OPCML: variants seen among roughly 807,000 people sequenced by gnomAD.
The protein encoded by OPCML is opioid binding protein/cell adhesion molecule like, also known as opioid-binding protein/cell adhesion molecule.
Under a neutral mutation model 37.8 loss-of-function variants are expected in OPCML, and 13 were observed. The observed-to-expected ratio is 0.34, with a 90% confidence interval of 0.22 to 0.55. The LOEUF (loss-of-function observed/expected upper bound fraction) is 0.55. OPCML is among the 20% of genes least tolerant of loss of function. OPCML has a pLI of 0.91. For synonymous variants in OPCML, 176 were observed against 168.8 expected (o/e 1.04, Z -0.33); for missense variants, 341 against 435.6 (o/e 0.78, Z 1.93).
chr11:133,310,097 C>A (rs76157126), intron 1 of OPCML, among the ~76,000 whole-genome samples: 1 of 152,112 alleles, frequency 6.6e-6, no homozygotes, highest in Non-Finnish European at 1.5e-5. Flanking sequence ...AGAGAAAGAA[C>A]CTGAATGATG....
intron 3 of OPCML, among the ~76,000 whole-genome samples, chr11:132,632,002 TG>T (rs1940161684): frequency 1.3e-5 from 2 of 152,068 alleles, no homozygotes; most frequent in Non-Finnish European, 2.9e-5. Context: ...GGTTTTCAGC[TG>T]GGTAACGAAA....
intron 3 of OPCML, among the ~76,000 whole-genome samples, chr11:132,644,676 C>G (rs776458923): frequency 1.3e-5 from 2 of 152,136 alleles, no homozygotes; most frequent in Non-Finnish European, 2.9e-5. Context: ...AATCCTGTCA[C>G]GACAAACTAG....
intron 2 of OPCML, among the ~76,000 whole-genome samples, chr11:132,699,604 C>T (rs2135917360): frequency 6.6e-6 from 1 of 152,116 alleles, no homozygotes; most frequent in Non-Finnish European, 1.5e-5. Context: ...TTGATACGAT[C>T]ATATAACTTC....
intron 3 of OPCML, among the ~76,000 whole-genome samples, chr11:132,555,354 G>T (rs577528737): frequency 7.9e-5 from 12 of 152,078 alleles, no homozygotes; most frequent in Non-Finnish European, 1.8e-4. Context: ...ATGAGAACAT[G>T]GAAGCAGATG....
chr11:133,082,684 G>C (rs1948751417), intron 1 of OPCML, among the ~76,000 whole-genome samples: 1 of 104,256 alleles, frequency 9.6e-6, no homozygotes, highest in Admixed American at 1.0e-4. Context: ...GGCCCTGTCA[G>C]CTACGAAGCC....
intron 1 of OPCML, among the ~76,000 whole-genome samples, chr11:133,461,424 T>C (rs1318732670): frequency 2.6e-5 from 4 of 151,890 alleles, no homozygotes; most frequent in Non-Finnish European, 5.9e-5. Flanking sequence ...CAAAAATTGG[T>C]GGTTGCTGTT....
intron 1 of OPCML, among the ~76,000 whole-genome samples, chr11:133,002,338 A>G (rs1947020328): frequency 6.6e-6 from 1 of 152,182 alleles, no homozygotes; most frequent in Non-Finnish European, 1.5e-5. Flanking sequence ...CCAGGTCTGT[A>G]TAGACAGAAA....
chr11:132,501,744 T>C (rs1181080775), intron 4 of OPCML, among the ~76,000 whole-genome samples: 1 of 152,334 alleles, frequency 6.6e-6, no homozygotes, highest in East Asian at 1.9e-4. Flanking sequence ...GGTAACGTGT[T>C]TCATGAACCA....
chr11:133,165,620 A>T lies in OPCML; in HGVS notation c.62-222610T>A, dbSNP rs567770358. On this transcript the variant is annotated intron_variant, in intron 1 of 7. Coordinates refer to ENST00000524381, the MANE Select transcript of OPCML (RefSeq NM_001012393.5). ...TCCTCCAAGTTCTTATCCAATTAAC[A>T]TAATGGTCTTTTCCCCGAGGGTGGA... is the stretch of plus-strand genomic sequence containing the variant. Among the ~76,000 whole-genome samples the T allele has an allele frequency of 7.2e-5, 11 of 152,342 alleles. No individual in the cohort carries two copies. In the South Asian group the frequency reaches 2.3e-3, roughly 32 times the overall value.
chr11:132,591,367 CTTAAA>C (rs2096484209), intron 3 of OPCML, among the ~76,000 whole-genome samples: 1 of 152,174 alleles, frequency 6.6e-6, no homozygotes, highest in South Asian at 2.1e-4. Context: ...CCAAGTGGTT[CTTAAA>C]TTAAACACTA....
At chr11:133,420,131 G>T in intron 1 of OPCML, 3 of 370,294 alleles carry the variant, frequency 8.1e-6, no homozygotes, top group Non-Finnish European at 1.1e-5. Flanking sequence ...GATCCTTTAT[G>T]TCAGTAAATG....
At chr11:132,739,062 T>C (rs972339138) in intron 2 of OPCML, among the ~76,000 whole-genome samples, 1 of 152,158 alleles carries the variant, frequency 6.6e-6, no homozygotes, top group Non-Finnish European at 1.5e-5. Flanking sequence ...ATAACTCGAC[T>C]CCTATCAGCT....
intron 2 of OPCML, among the ~76,000 whole-genome samples, chr11:132,771,120 A>G (rs1946621654): frequency 6.6e-6 from 1 of 152,216 alleles, no homozygotes; most frequent in South Asian, 2.1e-4. Flanking sequence ...CTATGTGAAA[A>G]TAACCTTCAT....
At chr11:132,648,348 G>A (rs1004718321) in intron 3 of OPCML, among the ~76,000 whole-genome samples, 4 of 152,078 alleles carry the variant, frequency 2.6e-5, no homozygotes, top group South Asian at 2.1e-4. Context: ...AGGTCTCTTC[G>A]GAAATAAGCT....
intron 1 of OPCML, among the ~76,000 whole-genome samples, chr11:133,336,261 G>A (rs1033090033): frequency 2.0e-5 from 3 of 152,114 alleles, no homozygotes; most frequent in Non-Finnish European, 2.9e-5. Flanking sequence ...GATAAATGAA[G>A]GAGATCCACT....
At chr11:132,552,942 T>A (rs979183305) in intron 3 of OPCML, among the ~76,000 whole-genome samples, 3 of 151,914 alleles carry the variant, frequency 2.0e-5, no homozygotes, top group Admixed American at 6.5e-5. Flanking sequence ...ATTTTTGTAT[T>A]TTTAGTAGAT....
intron 2 of OPCML, among the ~76,000 whole-genome samples, chr11:132,792,018 C>G (rs1164938601): frequency 2.0e-5 from 3 of 152,256 alleles, no homozygotes; most frequent in Non-Finnish European, 4.4e-5. Flanking sequence ...GACCTTGATT[C>G]TGCATCCAAA....
intron 3 of OPCML, among the ~76,000 whole-genome samples, chr11:132,644,888 T>G (rs1488535368): frequency 2.0e-5 from 3 of 152,204 alleles, no homozygotes; most frequent in Non-Finnish European, 4.4e-5. Flanking sequence ...AAAAACAAAT[T>G]GAATACAGGG....
At chr11:133,308,728 C>T (rs961794203) in intron 1 of OPCML, among the ~76,000 whole-genome samples, 1 of 152,090 alleles carries the variant, frequency 6.6e-6, no homozygotes, top group African/African-American at 2.4e-5. Context: ...TACCATTCAT[C>T]AATACAGATA....
Sources: allele counts gnomAD v4.1 joint callset (sites outside exome capture counted in the v4.1 genomes callset), GRCh38; gene constraint gnomAD v4.1.1; transcripts MANE v1.5; gene names NCBI Gene and HGNC (gene_info 2026-07-23, HGNC 2026-07-21).